OPCML: variants seen among roughly 807,000 people sequenced by gnomAD.
OPCML encodes the protein opioid binding protein/cell adhesion molecule like, also known as opioid-binding protein/cell adhesion molecule.
Under a neutral mutation model 37.8 loss-of-function variants are expected in OPCML, and 13 were observed. The ratio of observed to expected loss-of-function variants is 0.34; its 90% CI spans 0.22 to 0.55. OPCML has a LOEUF of 0.55. Among genes scored for constraint, OPCML ranks in the 20% least tolerant of loss-of-function variants. The probability of loss-of-function intolerance (pLI) is 0.91; values close to 1 mark genes in which losing one functional copy is unlikely to be tolerated. For missense variants in OPCML, 341 were observed against 435.6 expected (o/e 0.78, Z 1.93); for synonymous variants, 176 against 168.8 (o/e 1.04, Z -0.33).
At chr11:133,440,745 A>C (rs1261043556) in intron 1 of OPCML, among the ~76,000 whole-genome samples, 2 of 138,502 alleles carry the variant, frequency 1.4e-5, no homozygotes, top group African/African-American at 3.0e-5. Flanking sequence ...AAAAAAAAAA[A>C]CAGAAACCTA....
intron 1 of OPCML, among the ~76,000 whole-genome samples, chr11:133,150,052 C>T (rs1949956048): frequency 6.6e-6 from 1 of 152,254 alleles, no homozygotes; most frequent in East Asian, 1.9e-4. Context: ...CACCTCCACT[C>T]ACTCCTTTCT....
chr11:133,110,314 T>C (rs1281516031), intron 1 of OPCML, among the ~76,000 whole-genome samples: 1 of 152,206 alleles, frequency 6.6e-6, no homozygotes, highest in African/African-American at 2.4e-5. Flanking sequence ...TGTTTAAATA[T>C]TGATGAACAA....
intron 2 of OPCML, among the ~76,000 whole-genome samples, chr11:132,739,970 G>T (rs577330693): frequency 6.6e-6 from 1 of 152,044 alleles, no homozygotes; most frequent in South Asian, 2.1e-4. Flanking sequence ...AAAAAGGCAG[G>T]TGTTATTTGA....
intron 2 of OPCML, among the ~76,000 whole-genome samples, chr11:132,910,314 G>A (rs1944387632): frequency 6.6e-6 from 1 of 152,242 alleles, no homozygotes; most frequent in South Asian, 2.1e-4. Context: ...GGCAGGCCGG[G>A]CCCCAGAGCA....
At chr11:132,741,391 T>C (rs1945428608) in intron 2 of OPCML, among the ~76,000 whole-genome samples, 1 of 152,168 alleles carries the variant, frequency 6.6e-6, no homozygotes, top group Admixed American at 6.5e-5. Flanking sequence ...CTTTAGGATA[T>C]TAGAAAGAAC....
chr11:133,388,715 A>G (rs1945108347), intron 1 of OPCML, among the ~76,000 whole-genome samples: 1 of 152,166 alleles, frequency 6.6e-6, no homozygotes, highest in African/African-American at 2.4e-5. Context: ...GCCCCAGAAC[A>G]TGTGTCATTC....
chr11:133,421,751 G>A, intron 1 of OPCML: 5 of 985,384 alleles, frequency 5.1e-6, no homozygotes, highest in Non-Finnish European at 4.8e-6. Flanking sequence ...CTGTGGCAAT[G>A]ACACCAACAG....
intron 2 of OPCML, among the ~76,000 whole-genome samples, chr11:132,666,687 C>T (rs752985157): frequency 4.6e-5 from 7 of 152,132 alleles, no homozygotes; most frequent in Non-Finnish European, 8.8e-5. Flanking sequence ...GTATTGGGTA[C>T]TGATAGAGTC....
chr11:132,715,036 C>T (rs964715806), intron 2 of OPCML, among the ~76,000 whole-genome samples: 3 of 152,158 alleles, frequency 2.0e-5, no homozygotes, highest in Non-Finnish European at 4.4e-5. Context: ...TGCCATCTTC[C>T]CTGCTCATGG....
intron 1 of OPCML, among the ~76,000 whole-genome samples, chr11:133,246,058 A>G (rs1159849393): frequency 6.6e-6 from 1 of 151,394 alleles, no homozygotes; most frequent in Non-Finnish European, 1.5e-5. Context: ...AGCAACCGCC[A>G]TGGCACATGT....
intron 1 of OPCML, among the ~76,000 whole-genome samples, chr11:133,055,354 G>A (rs1388908676): frequency 2.0e-5 from 3 of 147,742 alleles, no homozygotes; most frequent in African/African-American, 2.5e-5. Flanking sequence ...CACCTCTACT[G>A]TACAATGCTG....
rs142333896 is a variant in OPCML at position 132,761,650 on chromosome 11, G to C, written c.147-104331C>G. Among the ~76,000 whole-genome samples, 46 of 152,002 alleles carry C rather than the reference G, an allele frequency of 3.0e-4. No individual in the cohort carries two copies. In the East Asian group the frequency reaches 8.3e-3, roughly 28 times the overall value. ...CGAAGTTCTCGTACTGTGTTTTTCG[G>C]CTCCATCACATCATTTATCTTCTTC... On this transcript the variant is annotated intron_variant, in intron 2 of 7. Coordinates refer to ENST00000524381, the MANE Select transcript of OPCML (RefSeq NM_001012393.5).
intron 4 of OPCML, among the ~76,000 whole-genome samples, chr11:132,500,112 G>A (rs555065437): frequency 2.0e-5 from 3 of 152,254 alleles, no homozygotes; most frequent in African/African-American, 4.8e-5. Context: ...TGAAAACTAC[G>A]TGACTCTTTG....
At chr11:132,491,833 G>T (rs903726679) in intron 4 of OPCML, among the ~76,000 whole-genome samples, 2 of 151,998 alleles carry the variant, frequency 1.3e-5, no homozygotes, top group African/African-American at 4.8e-5. Context: ...TGGGACAGTA[G>T]GTGTTGGAAG....
chr11:133,431,082 C>T (rs1461588484), intron 1 of OPCML, among the ~76,000 whole-genome samples: 1 of 152,138 alleles, frequency 6.6e-6, no homozygotes, highest in African/African-American at 2.4e-5. Flanking sequence ...TTAAAATTAA[C>T]ACAAACTAAG....
At chr11:132,922,771 A>G (rs1364452595) in intron 2 of OPCML, among the ~76,000 whole-genome samples, 1 of 152,184 alleles carries the variant, frequency 6.6e-6, no homozygotes, top group Non-Finnish European at 1.5e-5. Context: ...AGTCCTGTGA[A>G]GGGAAGACAC....
intron 2 of OPCML, among the ~76,000 whole-genome samples, chr11:132,681,853 G>A (rs1020693822): frequency 6.6e-6 from 1 of 151,976 alleles, no homozygotes; most frequent in Non-Finnish European, 1.5e-5. Flanking sequence ...TACTCAGGAG[G>A]CTGAGGCAGG....
At chr11:132,778,927 T>TAATAA (rs1946898091) in intron 2 of OPCML, among the ~76,000 whole-genome samples, 1 of 151,288 alleles carries the variant, frequency 6.6e-6, no homozygotes, top group African/African-American at 2.4e-5. Flanking sequence ...GATATACGAT[T>TAATAA]AATAACACTG....
intron 1 of OPCML, among the ~76,000 whole-genome samples, chr11:133,084,018 G>T (rs1381720162): frequency 6.6e-6 from 1 of 151,960 alleles, no homozygotes; most frequent in Admixed American, 6.5e-5. Context: ...CTCCCGCCTC[G>T]TCTCCCTAAC....
Sources: gnomAD v4.1 joint callset for allele counts (sites outside exome capture counted in the v4.1 genomes callset) on GRCh38, gnomAD v4.1.1 for gene constraint, MANE v1.5 for transcripts, NCBI Gene and HGNC (gene_info 2026-07-23, HGNC 2026-07-21) for gene names.